Variants in CGGBP1 observed in about 807,000 individuals in gnomAD.
The protein encoded by CGGBP1 is CGG triplet repeat binding protein 1.
A neutral mutation model predicts 11.4 loss-of-function variants in CGGBP1; 4 were observed. The ratio of observed to expected loss-of-function variants is 0.35; its 90% CI spans 0.17 to 0.80. CGGBP1 has a LOEUF of 0.80. Among genes scored for constraint, CGGBP1 ranks in the 30% least tolerant of loss-of-function variants. The probability of loss-of-function intolerance (pLI) is 0.52; values close to 1 mark genes in which losing one functional copy is unlikely to be tolerated. For synonymous variants in CGGBP1, 76 were observed against 74.1 expected, an observed-to-expected ratio of 1.03 and a Z score of -0.13; for missense variants, 135 against 202.1, an observed-to-expected ratio of 0.67 and a Z score of 2.01.
intron 2 of CGGBP1, among the ~76,000 whole-genome samples, chr3:88,086,769 C>CTGTT (rs1333764042): frequency 2.0e-5 from 3 of 151,978 alleles, no homozygotes; most frequent in African/African-American, 7.2e-5. Context: ...TAGGAAAATC[C>CTGTT]TGTTTGTTTG....
chr3:88,063,060 G>C (rs1706977628), upstream of CGGBP1, among the ~76,000 whole-genome samples: 1 of 152,134 alleles, frequency 6.6e-6, no homozygotes, highest in Non-Finnish European at 1.5e-5. Flanking sequence ...ACTGTGGCGG[G>C]GTTCTCAGAG....
At chr3:88,058,552 C>CT (rs1706639066) in intron 1 of CGGBP1, among the ~76,000 whole-genome samples, 1 of 152,202 alleles carries the variant, frequency 6.6e-6, no homozygotes, top group African/African-American at 2.4e-5. Flanking sequence ...CGTCCCGACC[C>CT]CGCTAGCTGG....
intron 3 of CGGBP1, 125 bp from the exon 4 acceptor site, chr3:88,056,124 T>C (rs879077330): frequency 3.0e-6 from 2 of 659,832 alleles, no homozygotes; most frequent in South Asian, 4.7e-5. Context: ...ATTAGTAGAC[T>C]GTGTGTCTAT....
intron 2 of CGGBP1, among the ~76,000 whole-genome samples, chr3:88,076,966 G>C (rs765215885): frequency 7.9e-5 from 12 of 152,126 alleles, no homozygotes; most frequent in Non-Finnish European, 1.8e-4. Context: ...CATTAACCTT[G>C]GCCAGGAGCT....
At chr3:88,059,023 G>A, upstream of CGGBP1, 1 of 451,476 alleles carries the variant, frequency 2.2e-6, no homozygotes, top group Non-Finnish European at 3.8e-6. Flanking sequence ...CCCGTAGGCG[G>A]TCCCCAGCAA....
intron 2 of CGGBP1, chr3:88,129,664 T>C: frequency 7.3e-7 from 1 of 1,376,984 alleles, no homozygotes; most frequent in Non-Finnish European, 9.5e-7. Context: ...TTATATGAAC[T>C]GATTTCTCTT....
chr3:88,086,940 G>T (rs569723446), intron 2 of CGGBP1, among the ~76,000 whole-genome samples: 2 of 152,144 alleles, frequency 1.3e-5, no homozygotes, highest in East Asian at 1.9e-4. Flanking sequence ...CCGCCACCAC[G>T]CCTGGCTAAT....
chr3:88,147,467 T>C (rs1242646217), intron 1 of CGGBP1, among the ~76,000 whole-genome samples: 1 of 152,124 alleles, frequency 6.6e-6, no homozygotes, highest in African/African-American at 2.4e-5. Context: ...AACCACTGAC[T>C]AGTCTGGAGA....
At chr3:88,068,545 T>A (rs1221794684) in intron 2 of CGGBP1, among the ~76,000 whole-genome samples, 1 of 152,216 alleles carries the variant, frequency 6.6e-6, no homozygotes, top group Non-Finnish European at 1.5e-5. Context: ...TTGGTTACTC[T>A]AAAGTTGAAA....
At chr3:88,093,813 G>C (rs1703888705) in intron 2 of CGGBP1, among the ~76,000 whole-genome samples, 1 of 152,162 alleles carries the variant, frequency 6.6e-6, no homozygotes, top group African/African-American at 2.4e-5. Flanking sequence ...AAATGACTTG[G>C]AAATAAAGGA....
At chr3:88,111,265 A>G (rs910857740) in intron 2 of CGGBP1, among the ~76,000 whole-genome samples, 4 of 151,988 alleles carry the variant, frequency 2.6e-5, no homozygotes, top group African/African-American at 9.7e-5. Context: ...AAAACGATTA[A>G]TAACGAAAAA....
At chr3:88,064,564 TGTTCTGGG>T (rs1298462833) in intron 2 of CGGBP1, among the ~76,000 whole-genome samples, 9 of 152,186 alleles carry the variant, frequency 5.9e-5, no homozygotes, top group Admixed American at 5.9e-4. Flanking sequence ...ATTCCTGAGA[TGTTCTGGG>T]GTTCTGGGGT....
At chr3:88,143,995 A>T (rs1209268421) in intron 1 of CGGBP1, 2 of 152,318 alleles carry the variant, frequency 1.3e-5, no homozygotes, top group Non-Finnish European at 2.9e-5. Context: ...TATTCCTCAG[A>T]TTCTTCTTTT....
chr3:88,091,062 C>T (rs1708606780), intron 2 of CGGBP1, among the ~76,000 whole-genome samples: 1 of 152,180 alleles, frequency 6.6e-6, no homozygotes, highest in African/African-American at 2.4e-5. Flanking sequence ...AGTACAGTAG[C>T]ATGCTATACA....
intron 2 of CGGBP1, among the ~76,000 whole-genome samples, chr3:88,109,095 G>A (rs1200057758): frequency 1.3e-5 from 2 of 151,534 alleles, no homozygotes; most frequent in Non-Finnish European, 1.5e-5. Flanking sequence ...GCATCCAGTG[G>A]GAGGGAAGGG....
intron 2 of CGGBP1, among the ~76,000 whole-genome samples, chr3:88,078,115 A>T: frequency 6.6e-6 from 1 of 152,172 alleles, no homozygotes; most frequent in Non-Finnish European, 1.5e-5. Context: ...TGAATATCGG[A>T]CTGATTTCTT....
rs543741048 is a variant in CGGBP1, at chr3:88,053,011, T to G, written c.*2462A>C. 1 of 152,642 alleles carries G rather than the reference T, an allele frequency of 6.6e-6. No homozygotes were observed. The highest frequency in any genetic ancestry group is 1.5e-5 in the Non-Finnish European group (1 of 68,016). 9.5% of individuals were successfully genotyped at this position (152,642 alleles called of 1,614,324 possible). A position where few individuals can be genotyped will look rare whatever the true frequency, so the allele number is the denominator to read the frequency against. ...TATAAATGAAACATTACAAATCTTA[T>G]GTTTATGCATACAACTTATAAAATA... On this transcript the variant is annotated 3_prime_UTR_variant, in exon 4 of 4. Coordinates refer to ENST00000482016, the MANE Select transcript of CGGBP1 (RefSeq NM_001008390.2).
intron 1 of CGGBP1, among the ~76,000 whole-genome samples, chr3:88,148,652 T>C (rs1707351574): frequency 6.6e-6 from 1 of 152,236 alleles, no homozygotes; most frequent in Non-Finnish European, 1.5e-5. Context: ...TATTTATTTT[T>C]GAGACAGGGT....
chr3:88,110,321 C>T (rs1705011751), intron 2 of CGGBP1, among the ~76,000 whole-genome samples: 1 of 152,104 alleles, frequency 6.6e-6, no homozygotes. Flanking sequence ...TATAGGCTGT[C>T]TGCCTATAAT....
Sources: allele counts gnomAD v4.1 joint callset (sites outside exome capture counted in the v4.1 genomes callset), GRCh38; gene constraint gnomAD v4.1.1; transcripts MANE v1.5; gene names NCBI Gene and HGNC (gene_info 2026-07-23, HGNC 2026-07-21).